The following ATG7 variants were observed in gnomAD, a reference collection of about 807,000 sequenced individuals.
ATG7 encodes ubiquitin-like modifier-activating enzyme ATG7.
Under a neutral mutation model 82.4 loss-of-function variants are expected in ATG7, and 70 were observed. The ratio of observed to expected loss-of-function variants is 0.85; its 90% confidence interval spans 0.70 to 1.04. The LOEUF (loss-of-function observed/expected upper bound fraction) is 1.04, where lower values mean the gene tolerates loss of function less well. Among genes scored for constraint, ATG7 ranks in the 50% least tolerant of loss-of-function variants. The pLI is 0.00. For synonymous variants in ATG7, 287 were observed against 313.0 expected (o/e 0.92, Z 0.88); for missense variants, 792 against 864.3 (o/e 0.92, Z 1.05).
intron 20 of ATG7, among the ~76,000 whole-genome samples, chr3:11,475,868 G>GAGACACAC (rs1553687236): frequency 9.0e-6 from 1 of 111,128 alleles, no homozygotes; most frequent in African/African-American, 3.6e-5. Context: ...CTGTCTCTGA[G>GAGACACAC]ACACACACAC....
At chr3:11,535,474 G>A (rs886277144) in intron 20 of ATG7, among the ~76,000 whole-genome samples, 2 of 152,188 alleles carry the variant, frequency 1.3e-5, no homozygotes, top group African/African-American at 2.4e-5. Flanking sequence ...CAGGGGCCAG[G>A]CAGGTCTCAG....
chr3:11,313,878 G>C (rs1260167003), intron 8 of ATG7, among the ~76,000 whole-genome samples: 1 of 152,146 alleles, frequency 6.6e-6, no homozygotes, highest in Non-Finnish European at 1.5e-5. Flanking sequence ...GGGATTACAG[G>C]CATGAGCCAC....
intron 19 of ATG7, among the ~76,000 whole-genome samples, chr3:11,387,653 A>G (rs2078421223): frequency 6.6e-6 from 1 of 152,200 alleles, no homozygotes; most frequent in Admixed American, 6.5e-5. Flanking sequence ...GACTGATGAA[A>G]GCAGTCACCA....
chr3:11,354,239 A>AT (rs142783523), intron 14 of ATG7, among the ~76,000 whole-genome samples: 3,712 of 152,268 alleles, frequency 0.024, 151 homozygotes, highest in African/African-American at 0.082. Flanking sequence ...CTATGATAAA[A>AT]TTACATGAAA....
At chr3:11,307,097 C>T (rs182497181) in intron 6 of ATG7, 37 bp downstream of exon 6, 53 of 1,572,630 alleles carry the variant, frequency 3.4e-5, no homozygotes, top group Non-Finnish European at 4.4e-5. Flanking sequence ...GTCATATTTC[C>T]TGTGGTCCTG....
chr3:11,414,759 T>A (rs753977825), intron 19 of ATG7, among the ~76,000 whole-genome samples: 1 of 152,240 alleles, frequency 6.6e-6, no homozygotes, highest in Non-Finnish European at 1.5e-5. Flanking sequence ...ACTGAGAGTT[T>A]TTGTCATAAA....
chr3:11,525,630 C>CT (rs2092560860), intron 20 of ATG7, among the ~76,000 whole-genome samples: 1 of 150,426 alleles, frequency 6.6e-6, no homozygotes, highest in Non-Finnish European at 1.5e-5. Flanking sequence ...TCTCGGCTCA[C>CT]TGTAAGCTCT....
intron 20 of ATG7, among the ~76,000 whole-genome samples, chr3:11,512,593 C>T (rs1348893660): frequency 6.6e-6 from 1 of 152,184 alleles, no homozygotes; most frequent in Admixed American, 6.5e-5. Flanking sequence ...TAAAGCGGCA[C>T]GTCTGGAGTT....
At chr3:11,307,495 T>G (rs1020274051) in intron 6 of ATG7, among the ~76,000 whole-genome samples, 1 of 152,234 alleles carries the variant, frequency 6.6e-6, no homozygotes, top group African/African-American at 2.4e-5. Flanking sequence ...TGTCTTCACT[T>G]ATCTACTGCA....
At chr3:11,444,578 T>C (rs555161036) in intron 20 of ATG7, among the ~76,000 whole-genome samples, 3 of 152,286 alleles carry the variant, frequency 2.0e-5, no homozygotes, top group African/African-American at 4.8e-5. Flanking sequence ...TTCTGGACCA[T>C]GGACTTAAAT....
intron 17 of ATG7, among the ~76,000 whole-genome samples, chr3:11,363,622 C>A (rs1252025193): frequency 2.0e-5 from 3 of 152,158 alleles, no homozygotes; most frequent in Non-Finnish European, 4.4e-5. Context: ...ATGGGGAAAT[C>A]AAGGCATAGT....
At chr3:11,410,762 A>G (rs2152915415) in intron 19 of ATG7, among the ~76,000 whole-genome samples, 1 of 152,290 alleles carries the variant, frequency 6.6e-6, no homozygotes, top group South Asian at 2.1e-4. Context: ...GTTGAATAAT[A>G]TTTCATTGTA....
At chr3:11,376,258 G>A (rs1257251355) in intron 18 of ATG7, among the ~76,000 whole-genome samples, 1 of 152,172 alleles carries the variant, frequency 6.6e-6, no homozygotes, top group Non-Finnish European at 1.5e-5. Flanking sequence ...AGATAGTGAT[G>A]ATGGTTGCAA....
chr3:11,335,822 C>T (rs112019047), intron 11 of ATG7, among the ~76,000 whole-genome samples: 227 of 152,230 alleles, frequency 1.5e-3, no homozygotes, highest in African/African-American at 5.2e-3. Context: ...CTCAGCCTCC[C>T]GAGTGGCTGG....
At chr3:11,505,812 T>C (rs1431086149) in intron 20 of ATG7, among the ~76,000 whole-genome samples, 1 of 152,226 alleles carries the variant, frequency 6.6e-6, no homozygotes, top group African/African-American at 2.4e-5. Context: ...TGCTAGTCAG[T>C]GCTCGCCATT....
chr3:11,520,034 GGGAA>G (rs1417592283), intron 20 of ATG7, among the ~76,000 whole-genome samples: 1 of 152,166 alleles, frequency 6.6e-6, no homozygotes, highest in African/African-American at 2.4e-5. Context: ...GCAGGAGTGA[GGGAA>G]GGAGAGATCC....
chr3:11,521,027 G>A (rs1355477840), intron 20 of ATG7, among the ~76,000 whole-genome samples: 1 of 152,182 alleles, frequency 6.6e-6, no homozygotes, highest in Non-Finnish European at 1.5e-5. Flanking sequence ...GAATAGCAGA[G>A]TGGACAGCTG....
At chr3:11,543,091 G>A (rs934474816) in intron 20 of ATG7, among the ~76,000 whole-genome samples, 4 of 152,072 alleles carry the variant, frequency 2.6e-5, no homozygotes, top group Admixed American at 1.3e-4. Context: ...TCCTCCAACC[G>A]ACCCCACGGT....
At chr3:11,482,290 C>T (rs143649914) in intron 20 of ATG7, among the ~76,000 whole-genome samples, 43 of 152,308 alleles carry the variant, frequency 2.8e-4, no homozygotes, top group Non-Finnish European at 5.0e-4. Flanking sequence ...GTTTGGGCTC[C>T]GAGCTCTTTC....
Sources: allele counts gnomAD v4.1 joint callset (sites outside exome capture counted in the v4.1 genomes callset), GRCh38; gene constraint gnomAD v4.1.1; transcripts MANE v1.5; gene names NCBI Gene and HGNC (gene_info 2026-07-23, HGNC 2026-07-21).